Variants in TNKS2 observed in about 807,000 individuals in gnomAD.
TNKS2 encodes the protein tankyrase 2.
A neutral mutation model predicts 137.6 loss-of-function variants in TNKS2; 72 were observed. That is an observed-to-expected ratio of 0.52 (90% CI 0.43 to 0.64). The LOEUF (loss-of-function observed/expected upper bound fraction) is 0.64. Among genes scored for constraint, TNKS2 ranks in the 30% least tolerant of loss-of-function variants. TNKS2 has a pLI of 0.00. For missense variants in TNKS2, 1,049 were observed against 1,410.2 expected (o/e 0.74, Z 4.10); for synonymous variants, 516 against 512.1 (o/e 1.01, Z -0.10).
At chr10:91,829,919 A>G (rs745870471) in intron 9 of TNKS2, among the ~76,000 whole-genome samples, 5 of 152,188 alleles carry the variant, frequency 3.3e-5, no homozygotes, top group Non-Finnish European at 5.9e-5. Context: ...ATATACATTG[A>G]TTTAGTCATG....
chr10:91,814,518 A>G (rs191241836), intron 2 of TNKS2, among the ~76,000 whole-genome samples: 10 of 152,358 alleles, frequency 6.6e-5, no homozygotes, highest in Admixed American at 3.3e-4. Context: ...ATTATAATAT[A>G]CTAGGCCTTC....
chr10:91,844,838 A>G, intron 16 of TNKS2, 81 bp from the exon 17 acceptor site: 1 of 824,670 alleles, frequency 1.2e-6, no homozygotes, highest in Non-Finnish European at 1.9e-6. Context: ...TGACTTTTTT[A>G]TGTTAACAAG....
chr10:91,849,403 A>G, intron 19 of TNKS2, 109 bp from the exon 20 acceptor site: 1 of 768,598 alleles, frequency 1.3e-6, no homozygotes, highest in Admixed American at 3.3e-5. Context: ...GTGGCTATTA[A>G]TATTATTTTC....
intron 1 of TNKS2, chr10:91,807,136 A>G: frequency 1.3e-5 from 19 of 1,506,450 alleles, no homozygotes; most frequent in Non-Finnish European, 1.7e-5. Context: ...TTCAAAAGAT[A>G]TTTACTTCCT....
intron 26 of TNKS2, among the ~76,000 whole-genome samples, 177 bp from the exon 27 acceptor site, chr10:91,862,760 G>A (rs972613993): frequency 2.6e-5 from 4 of 152,082 alleles, no homozygotes; most frequent in African/African-American, 9.7e-5. Flanking sequence ...CTTGCTGATT[G>A]AAAATCTGAA....
At chr10:91,838,413 C>T (rs1440331239) in intron 13 of TNKS2, among the ~76,000 whole-genome samples, 4 of 152,194 alleles carry the variant, frequency 2.6e-5, no homozygotes, top group African/African-American at 4.8e-5. Flanking sequence ...GGGACAAGAA[C>T]ATCTGCGTAT....
At chr10:91,848,234 T>A in intron 18 of TNKS2, 149 bp from the exon 19 acceptor site, 2 of 882,218 alleles carry the variant, frequency 2.3e-6, no homozygotes, top group Middle Eastern at 3.6e-4. Context: ...TTAACCTGTT[T>A]GCTTCACTTT....
chr10:91,850,185 G>A (rs527838298), intron 20 of TNKS2, among the ~76,000 whole-genome samples: 3 of 151,438 alleles, frequency 2.0e-5, no homozygotes, highest in Non-Finnish European at 4.4e-5. Context: ...GGCCAAGATG[G>A]TGAAACCCCC....
chr10:91,836,536 C>A, intron 12 of TNKS2: 2 of 690,160 alleles, frequency 2.9e-6, no homozygotes, highest in Non-Finnish European at 3.6e-6. Context: ...TGTTCCAGTT[C>A]AGATAGCTAA....
chr10:91,816,207 C>T (rs371868954), intron 2 of TNKS2, among the ~76,000 whole-genome samples: 18 of 152,224 alleles, frequency 1.2e-4, no homozygotes, highest in South Asian at 1.0e-3. Context: ...CTCGGCCTCC[C>T]AAAGTGCTGA....
intron 21 of TNKS2, among the ~76,000 whole-genome samples, chr10:91,854,310 AAG>A (rs1171908703): frequency 6.6e-6 from 1 of 152,224 alleles, no homozygotes; most frequent in Non-Finnish European, 1.5e-5. Context: ...AATAGGAGAT[AAG>A]AGAAAGATTT....
chr10:91,840,651 T>A lies in TNKS2; in HGVS notation c.1618T>A (p.Ser540Thr). The A allele has an allele frequency of 1.2e-6, 2 of 1,614,148 alleles. No homozygotes were observed. The highest frequency in any genetic ancestry group is 2.2e-5 in the South Asian group (2 of 91,078). ...TTTTGCAGCTGGGTATAACAGAGTG[T>A]CCGTGGTGGAATATCTGCTACAGCA... ...LHFAAGYNRV[S>T]VVEYLLQHGA... Residue 540 changes from serine (S) to threonine (T), a missense_variant, in exon 14 of 27, where the codon TCC becomes ACC. By Grantham distance (58) the Ser-to-Thr change is moderately conservative (BLOSUM62 1). Transcript: ENST00000371627.
intron 17 of TNKS2, 32 bp downstream of exon 17, chr10:91,845,060 G>C (rs563198225): frequency 1.4e-6 from 2 of 1,468,514 alleles, no homozygotes; most frequent in Non-Finnish European, 1.9e-6. Context: ...TTAAAAATTT[G>C]TGGAATTTTA....
chr10:91,848,681 C>T (rs760287330), intron 19 of TNKS2, 46 bp downstream of exon 19: 37 of 1,593,042 alleles, frequency 2.3e-5, no homozygotes, highest in Non-Finnish European at 2.7e-5. Context: ...ATTGTAGCCC[C>T]GTATTTGTCA....
chr10:91,800,005 A>G (rs568305537), intron 1 of TNKS2, among the ~76,000 whole-genome samples: 25 of 152,310 alleles, frequency 1.6e-4, no homozygotes, highest in African/African-American at 5.8e-4. Flanking sequence ...CTTTCTACCA[A>G]TTGGAGATTT....
At chr10:91,848,282 CAAATTGCTGGGTTTTCTCATATTTTT>C (rs1486109417) in intron 18 of TNKS2, 75 bp from the exon 19 acceptor site, 1 of 1,327,286 alleles carries the variant, frequency 7.5e-7, no homozygotes, top group Non-Finnish European at 1.0e-6. Context: ...AGTACTGGCA[CAAATTGCTGGGTTTTCTCATATTTTT>C]AAATATATTT....
At chr10:91,810,743 C>A (rs1055958528) in intron 1 of TNKS2, among the ~76,000 whole-genome samples, 1 of 150,862 alleles carries the variant, frequency 6.6e-6, no homozygotes, top group African/African-American at 2.4e-5. Context: ...CTCCTGACCT[C>A]GTGATCCACC....
chr10:91,852,227 C>CA (rs1398087919), intron 21 of TNKS2, among the ~76,000 whole-genome samples: 5 of 148,852 alleles, frequency 3.4e-5, no homozygotes, highest in Non-Finnish European at 5.9e-5. Context: ...GACTCCATCT[C>CA]AAAAAAAATA....
intron 25 of TNKS2, among the ~76,000 whole-genome samples, chr10:91,859,900 C>G (rs1467901253): frequency 1.3e-5 from 2 of 152,120 alleles, no homozygotes; most frequent in Non-Finnish European, 2.9e-5. Flanking sequence ...TTAAAGCATA[C>G]TGAGTAGAAA....
Sources: gnomAD v4.1 joint callset for allele counts (sites outside exome capture counted in the v4.1 genomes callset) on GRCh38, gnomAD v4.1.1 for gene constraint, MANE v1.5 for transcripts, NCBI Gene and HGNC (gene_info 2026-07-23, HGNC 2026-07-21) for gene names.